MOK: variants seen among roughly 807,000 people sequenced by gnomAD.
MOK encodes MAPK/MAK/MRK overlapping kinase.
In MOK, 59 loss-of-function variants were observed where a neutral mutation model predicts 54.2. That is an observed-to-expected ratio of 1.09 (90% CI 0.88 to 1.35). MOK has a LOEUF of 1.35. MOK is among the 40% of genes most tolerant of loss of function. The probability of loss-of-function intolerance (pLI) is 0.00; values close to 1 mark genes in which losing one functional copy is unlikely to be tolerated. For synonymous variants in MOK, 210 were observed against 202.7 expected (o/e 1.04, Z -0.31); for missense variants, 517 against 526.2 (o/e 0.98, Z 0.17).
At chr14:102,262,485 A>C (rs2067563863) in intron 4 of MOK, among the ~76,000 whole-genome samples, 1 of 152,258 alleles carries the variant, frequency 6.6e-6, no homozygotes, top group African/African-American at 2.4e-5. Flanking sequence ...ATGGATGTAG[A>C]AAAACTTGGC....
chr14:102,225,301 T>G (rs1199317257), downstream of MOK: 1 of 154,848 alleles, frequency 6.5e-6, no homozygotes, highest in African/African-American at 2.4e-5. Flanking sequence ...GCTCAAGCGA[T>G]CCTCCTGCCT....
chr14:102,303,781 A>G (rs2072492261), intron 1 of MOK, among the ~76,000 whole-genome samples: 1 of 152,230 alleles, frequency 6.6e-6, no homozygotes, highest in South Asian at 2.1e-4. Flanking sequence ...TAAATGGGAG[A>G]GAGAAAACAC....
intron 6 of MOK, chr14:102,251,540 T>G (rs1298361497): frequency 1.6e-6 from 1 of 634,372 alleles, no homozygotes. Context: ...AAAATGGTGC[T>G]TTCAATTATT....
chr14:102,294,500 G>C (rs1360777182), intron 1 of MOK, among the ~76,000 whole-genome samples: 1 of 151,542 alleles, frequency 6.6e-6, no homozygotes, highest in African/African-American at 2.4e-5. Context: ...CTGTAGCCCC[G>C]GCCACTTGGG....
chr14:102,279,284 CGTTGTTGTT>C (rs71116892), intron 2 of MOK, among the ~76,000 whole-genome samples: 8 of 150,806 alleles, frequency 5.3e-5, no homozygotes, highest in South Asian at 4.2e-4. Flanking sequence ...GCAAGAGAAC[CGTTGTTGTT>C]GTTGTTGTTG....
Position 102,232,576 on chromosome 14 carries a change from G to T in MOK, c.825C>A (p.Ala275=). The T allele has an allele frequency of 6.2e-7, 1 of 1,613,892 alleles. No homozygotes were observed. Among genetic ancestry groups the T allele is most frequent in the Non-Finnish European group, 8.5e-7 (1 of 1,179,838 alleles). The change falls in exon 9 of 12, where the codon GCC becomes GCA. Residue 275 remains alanine (A), a synonymous_variant. Transcript: ENST00000361847. This position sits in a 1 kb window ranked among gnomAD's most constrained non-coding sequence, Gnocchi z 5.1. The stretch of plus-strand genomic sequence containing the variant: ...AGGGGTGCTGCAGGGCCTGGTGGGC[G>T]GCGATTCTCTCATCGGGATCATAGG... ...MVAYDPDERI[A]AHQALQHPYF... is the part of the protein sequence containing the mutation.
chr14:102,286,127 G>A (rs1169175662), intron 1 of MOK, among the ~76,000 whole-genome samples: 37 of 149,626 alleles, frequency 2.5e-4, no homozygotes, highest in African/African-American at 7.1e-4. Flanking sequence ...GTGAAACCCC[G>A]TCTCTACTAA....
At chr14:102,287,460 G>A (rs2070257637) in intron 1 of MOK, among the ~76,000 whole-genome samples, 2 of 152,098 alleles carry the variant, frequency 1.3e-5, no homozygotes, top group African/African-American at 4.8e-5. Context: ...ATAAAAATTA[G>A]CTGAGCATGG....
intron 7 of MOK, among the ~76,000 whole-genome samples, chr14:102,234,549 T>C (rs1438729567): frequency 6.6e-6 from 1 of 151,946 alleles, no homozygotes; most frequent in Non-Finnish European, 1.5e-5. Flanking sequence ...TCCTGACAAG[T>C]TCCGCGGGAA....
chr14:102,214,948 C>T, the MOK span: 4 of 985,156 alleles, frequency 4.1e-6, no homozygotes, highest in Non-Finnish European at 4.8e-6. Flanking sequence ...TTCTGAAGTA[C>T]TGTGGGGCTG....
At chr14:102,282,543 C>T (rs763642955) in intron 2 of MOK, among the ~76,000 whole-genome samples, 3 of 151,578 alleles carry the variant, frequency 2.0e-5, no homozygotes, top group African/African-American at 7.3e-5. Flanking sequence ...AAGACCAGCA[C>T]GGGCAACGTG....
At chr14:102,264,388 G>A (rs553274706) in intron 3 of MOK, 1 of 152,402 alleles carries the variant, frequency 6.6e-6, no homozygotes, top group Non-Finnish European at 1.5e-5. Context: ...TCACAAGTGT[G>A]TGATATCAAC....
chr14:102,231,941 G>T lies in MOK; in HGVS notation c.867-120C>A. ...GAGTTGTCACTAGCTCTTCTTTTCT[G>T]CCTGAGCTGTAATCAGGAGCCTTTT... On this transcript the variant is annotated intron_variant, in intron 9 of 11. Transcript: ENST00000361847. The surrounding 1 kb of genome is among the most constrained non-coding windows in gnomAD (Gnocchi z 4.4). 1 of 750,066 alleles carries T rather than the reference G, an allele frequency of 1.3e-6. No individual in the cohort carries two copies. Among genetic ancestry groups the T allele is most frequent in the Non-Finnish European group, 2.1e-6 (1 of 467,918 alleles). The allele number at this position is 750,066 out of a possible 1,614,324, so 46.5% of individuals were successfully genotyped here. A position where few individuals can be genotyped will look rare whatever the true frequency, so the allele number is the denominator to read the frequency against.
chr14:102,285,661 G>T (rs1435402952), intron 1 of MOK, among the ~76,000 whole-genome samples: 2 of 152,132 alleles, frequency 1.3e-5, no homozygotes, highest in African/African-American at 2.4e-5. Flanking sequence ...GGAGACCCAG[G>T]TCGGTGGATC....
intron 4 of MOK, among the ~76,000 whole-genome samples, chr14:102,259,121 A>G (rs1156767407): frequency 6.6e-6 from 1 of 152,048 alleles, no homozygotes; most frequent in Non-Finnish European, 1.5e-5. Context: ...CATGCATCTG[A>G]CATGCTGCTT....
intron 1 of MOK, among the ~76,000 whole-genome samples, chr14:102,300,284 A>G (rs1411863142): frequency 2.1e-5 from 3 of 143,592 alleles, no homozygotes; most frequent in East Asian, 2.1e-4. Context: ...AGATCGCGCC[A>G]TTGGACTCCA....
At chr14:102,286,298 CAAAAAAAAAAAA>C (rs60479729) in intron 1 of MOK, among the ~76,000 whole-genome samples, 227 of 25,596 alleles carry the variant, frequency 8.9e-3, no homozygotes, top group Non-Finnish European at 0.012. Flanking sequence ...GACTCCGTCT[CAAAAAAAAAAAA>C]AAAAAAAAAA....
intron 4 of MOK, among the ~76,000 whole-genome samples, chr14:102,257,420 C>A (rs1191498886): frequency 1.3e-5 from 2 of 152,124 alleles, no homozygotes; most frequent in Admixed American, 6.6e-5. Flanking sequence ...ATAGGCCAAG[C>A]CCAGAGTCTG....
chr14:102,273,312 A>T (rs949652361), intron 2 of MOK, among the ~76,000 whole-genome samples: 1 of 152,144 alleles, frequency 6.6e-6, no homozygotes, highest in Non-Finnish European at 1.5e-5. Context: ...GAATCCTGAG[A>T]AATTTCTCAA....
Sources: allele counts gnomAD v4.1 joint callset (sites outside exome capture counted in the v4.1 genomes callset), GRCh38; gene constraint gnomAD v4.1.1; non-coding constraint Gnocchi (gnomAD v3.1); transcripts MANE v1.5; gene names NCBI Gene and HGNC (gene_info 2026-07-23, HGNC 2026-07-21).